TIMELESS: variants seen among roughly 807,000 people sequenced by gnomAD.
TIMELESS encodes the protein timeless circadian regulator.
A neutral mutation model predicts 164.3 loss-of-function variants in TIMELESS; 124 were observed. The ratio of observed to expected loss-of-function variants is 0.75; its 90% CI spans 0.65 to 0.88. The LOEUF (loss-of-function observed/expected upper bound fraction) is 0.88. Ranked by LOEUF, TIMELESS falls within the 40% of genes least tolerant of loss-of-function variation. TIMELESS has a pLI of 0.00. For missense variants in TIMELESS, 1,422 were observed against 1,491.4 expected, an observed-to-expected ratio of 0.95 and a Z score of 0.77; for synonymous variants, 564 against 563.4, an observed-to-expected ratio of 1.00 and a Z score of -0.02.
chr12:56,434,301 C>T (rs1349367283), intron 1 of TIMELESS, 70 bp from the exon 2 acceptor site: 4 of 714,784 alleles, frequency 5.6e-6, no homozygotes, highest in Middle Eastern at 2.5e-4. Flanking sequence ...CAGGACGAGG[C>T]CCTAATGCTC....
At chr12:56,444,961 G>A (rs774045) in intron 1 of TIMELESS, among the ~76,000 whole-genome samples, 10,133 of 151,082 alleles carry the variant, frequency 0.067, 422 homozygotes, top group Admixed American at 0.12. Context: ...TGACAATCTC[G>A]TATGTTAAAC....
At chr12:56,424,046 A>C in intron 15 of TIMELESS, 152 bp from the exon 16 acceptor site, 1 of 699,646 alleles carries the variant, frequency 1.4e-6, no homozygotes, top group Non-Finnish European at 2.4e-6. Flanking sequence ...ACTCCAGGGA[A>C]AATTTTCCTC....
chr12:56,429,930 C>T (rs567817681), intron 10 of TIMELESS, among the ~76,000 whole-genome samples, 175 bp downstream of exon 10: 4 of 152,158 alleles, frequency 2.6e-5, no homozygotes, highest in African/African-American at 9.6e-5. Flanking sequence ...CCCACTCGTT[C>T]CTGGCATTTT....
chr12:56,439,675 G>GGT (rs1411032052), intron 1 of TIMELESS, among the ~76,000 whole-genome samples: 1 of 152,100 alleles, frequency 6.6e-6, no homozygotes, highest in African/African-American at 2.4e-5. Flanking sequence ...TGAGATTACA[G>GGT]GTGTGAACCA....
intron 26 of TIMELESS, among the ~76,000 whole-genome samples, chr12:56,419,417 A>G (rs1410045962): frequency 6.6e-6 from 1 of 151,390 alleles, no homozygotes; most frequent in Non-Finnish European, 1.5e-5. Context: ...AATTGAGCAG[A>G]CTCTTGAAGA....
chr12:56,438,561 C>T (rs896952470), intron 1 of TIMELESS, among the ~76,000 whole-genome samples: 1 of 151,438 alleles, frequency 6.6e-6, no homozygotes, highest in African/African-American at 2.4e-5. Flanking sequence ...CACTTGAGCC[C>T]AGGAGTTTAA....
chr12:56,438,616 T>C (rs551554019), intron 1 of TIMELESS, among the ~76,000 whole-genome samples: 37 of 150,458 alleles, frequency 2.5e-4, no homozygotes, highest in African/African-American at 9.0e-4. Context: ...TACAAAAAAT[T>C]TAAAAAATGA....
In TIMELESS at chr12:56,417,748, G is replaced by A. The variant is rs781755608; in HGVS notation, c.3595C>T (p.Arg1199Ter). The change falls in exon 29 of 29, where the codon CGA (arginine) becomes TGA (stop). Residue 1199 changes from arginine to a stop codon, truncating the protein, a stop_gained. Coordinates refer to ENST00000553532, the MANE Select transcript of TIMELESS (RefSeq NM_003920.5). LOFTEE classifies it high-confidence loss of function. ...LGAPGIQKKK[R>*]YQIEDDEDD ...TCCTCATCATCCTCAATCTGGTATC[G>A]TTTCTTCTTTTGGATTCCTGGAGCT... is the stretch of plus-strand genomic sequence containing the variant. 6.2e-6 allele frequency: 10 copies of A among 1,613,994 alleles called. No individual in the cohort carries two copies. The highest frequency in any genetic ancestry group is 5.0e-5 in the Admixed American group (3 of 59,984).
At chr12:56,440,432 C>T (rs967784312) in intron 1 of TIMELESS, among the ~76,000 whole-genome samples, 3 of 151,918 alleles carry the variant, frequency 2.0e-5, no homozygotes, top group East Asian at 1.9e-4. Flanking sequence ...CCACTGCGCC[C>T]GACCAAATAA....
In TIMELESS at chr12:56,425,083, G is replaced by A. The variant is rs1445979853; in HGVS notation, c.1648C>T (p.Pro550Ser). Residue 550 changes from proline to serine, a missense_variant, in exon 14 of 29, where the codon CCA becomes TCA. Transcript: ENST00000553532. ...LDQAIVSGNVPSSPEEVEAVW... is the reference protein window; with the variant it reads ...LDQAIVSGNVSSSPEEVEAVW... ...GCCTCCACTTCTTCTGGGCTAGATG[G>A]GACATTACCAGAAACAATGGCCTGG... 1.9e-6 allele frequency: 3 copies of A among 1,613,994 alleles called. No individual in the cohort carries two copies. Among genetic ancestry groups the A allele is most frequent in the Non-Finnish European group, 2.5e-6 (3 of 1,180,042 alleles).
chr12:56,446,747 G>A (rs1868356317), intron 1 of TIMELESS, among the ~76,000 whole-genome samples: 2 of 149,974 alleles, frequency 1.3e-5, no homozygotes, highest in African/African-American at 2.5e-5. Flanking sequence ...CAGGAGAATC[G>A]CTTGAACCTG....
rs771826356 is a variant in TIMELESS, at chr12:56,428,650, A to C, written c.1307T>G (p.Met436Arg). 1.1e-5 allele frequency: 17 copies of C among 1,613,470 alleles called. No homozygotes were observed. The Admixed American group carries it at 1.3e-4, about 13-fold the overall frequency. ...RKEAASWARRMHLALKAYQEL... is the reference protein window; with the variant it reads ...RKEAASWARRRHLALKAYQEL... ...CTGATAGGCCTTCAGAGCCAAGTGC[A>C]TCCTGAGAGTTGACGGGAAACGGTG... Residue 436 changes from methionine to arginine, a missense_variant and splice_region_variant, in exon 12 of 29, where the codon ATG becomes AGG. By Grantham distance (91) the Met-to-Arg change is moderately conservative. Coordinates refer to ENST00000553532, the MANE Select transcript of TIMELESS (RefSeq NM_003920.5).
chr12:56,433,191 G>A, intron 5 of TIMELESS, 64 bp from the exon 6 acceptor site: 1 of 1,507,628 alleles, frequency 6.6e-7, no homozygotes, highest in East Asian at 2.3e-5. Flanking sequence ...TACTCTGGCT[G>A]GAAGACCCAG....
chr12:56,434,606 G>A (rs1188697393), intron 1 of TIMELESS, among the ~76,000 whole-genome samples: 1 of 152,110 alleles, frequency 6.6e-6, no homozygotes, highest in Non-Finnish European at 1.5e-5. Context: ...GCGTGGTGGC[G>A]CATGCCTATA....
chr12:56,438,033 G>C (rs1373786472), intron 1 of TIMELESS, among the ~76,000 whole-genome samples: 1 of 152,066 alleles, frequency 6.6e-6, no homozygotes, highest in East Asian at 1.9e-4. Context: ...TTAATACTGG[G>C]CTTGATAAAC....
At chr12:56,426,645 C>T (rs923675410) in intron 13 of TIMELESS, among the ~76,000 whole-genome samples, 10 of 151,608 alleles carry the variant, frequency 6.6e-5, no homozygotes, top group African/African-American at 2.2e-4. Context: ...CTGCAACCTC[C>T]GCCTCCCGGG....
chr12:56,424,012 A>T, intron 15 of TIMELESS, 118 bp from the exon 16 acceptor site: 1 of 878,822 alleles, frequency 1.1e-6, no homozygotes, highest in Non-Finnish European at 1.8e-6. Context: ...CAGAATGCAA[A>T]CTGTTACCTC....
At position 56,421,406 on chromosome 12, in the gene TIMELESS, G is replaced by T. The variant is rs1222293416; in HGVS notation, c.2813C>A (p.Ala938Asp). The change falls in exon 23 of 29, where the codon GCT becomes GAT. Residue 938 changes from alanine (A) to aspartate (D), a missense_variant. Transcript: ENST00000553532. ...VDKLLALGLVAERRELYKKRQ... is the reference protein window; with the variant it reads ...VDKLLALGLVDERRELYKKRQ... ...TTTCTTGTACAGCTCCCGCCGCTCAGCCACCAGCCCCAGAGCCAAGAGTTT... is the reference window on the plus strand; with the variant it reads ...TTTCTTGTACAGCTCCCGCCGCTCATCCACCAGCCCCAGAGCCAAGAGTTT... 1 of 1,614,148 alleles carries T rather than the reference G, an allele frequency of 6.2e-7. No homozygotes were observed. Among genetic ancestry groups the T allele is most frequent in the Admixed American group, 1.7e-5 (1 of 59,994 alleles).
Position 56,429,056 on chromosome 12 carries a change from A to G in TIMELESS, c.1131T>C (p.Tyr377=). 1 of 1,614,024 alleles carries G rather than the reference A, an allele frequency of 6.2e-7. No individual in the cohort carries two copies. Among genetic ancestry groups the G allele is most frequent in the Non-Finnish European group, 8.5e-7 (1 of 1,180,020 alleles). Residue 377 remains tyrosine (Y), a synonymous_variant, in exon 11 of 29, where the codon TAT becomes TAC. Coordinates refer to ENST00000553532, the MANE Select transcript of TIMELESS (RefSeq NM_003920.5). ...REKAQQHDET[Y]YMWALAFFMA... ...TGAAGAAAGCCAAGGCCCACATATAATAGGTCTCATCATGCTGCTGAGCTT... is the reference window on the plus strand; with the variant it reads ...TGAAGAAAGCCAAGGCCCACATATAGTAGGTCTCATCATGCTGCTGAGCTT...
Sources: gnomAD v4.1 joint callset for allele counts (sites outside exome capture counted in the v4.1 genomes callset) on GRCh38, gnomAD v4.1.1 for gene constraint, MANE v1.5 for transcripts, NCBI Gene and HGNC (gene_info 2026-07-23, HGNC 2026-07-21) for gene names.